Variants in DCLK2 observed in about 807,000 individuals in gnomAD.
DCLK2 encodes the protein doublecortin like kinase 2.
DCLK2 carries 31 observed loss-of-function variants against 78.4 expected under a neutral mutation model. That is an observed-to-expected ratio of 0.40 (90% CI 0.30 to 0.53). The LOEUF (loss-of-function observed/expected upper bound fraction) is 0.53, where lower values mean the gene tolerates loss of function less well. DCLK2 is among the 20% of genes least tolerant of loss of function. DCLK2 has a pLI of 0.61. For missense variants in DCLK2, 872 were observed against 973.7 expected (o/e 0.90, Z 1.39); for synonymous variants, 407 against 374.9 (o/e 1.09, Z -0.99).
chr4:150,224,698 T>A (rs1273298986), intron 8 of DCLK2, 140 bp downstream of exon 8: 3 of 575,890 alleles, frequency 5.2e-6, no homozygotes, highest in East Asian at 6.1e-5. Flanking sequence ...GAAAAACAGT[T>A]AAGCGGTTTT....
intron 7 of DCLK2, 28 bp downstream of exon 7, chr4:150,221,813 A>G: frequency 1.5e-6 from 2 of 1,303,588 alleles, no homozygotes; most frequent in Non-Finnish European, 2.2e-6. Context: ...ATAATTAATG[A>G]ATAATGAAAA....
At chr4:150,158,556 T>C (rs1490295741) in intron 2 of DCLK2, among the ~76,000 whole-genome samples, 3 of 152,202 alleles carry the variant, frequency 2.0e-5, no homozygotes, top group African/African-American at 7.2e-5. Context: ...CATTCCTCTA[T>C]TGAGCACCTA....
intron 10 of DCLK2, among the ~76,000 whole-genome samples, chr4:150,236,393 G>T (rs1742512004): frequency 6.6e-6 from 1 of 152,220 alleles, no homozygotes; most frequent in South Asian, 2.1e-4. Flanking sequence ...CTGGCCATAT[G>T]ACTAGTAACC....
At chr4:150,094,984 A>G (rs1210819386) in intron 1 of DCLK2, among the ~76,000 whole-genome samples, 1 of 152,212 alleles carries the variant, frequency 6.6e-6, no homozygotes, top group Non-Finnish European at 1.5e-5. Context: ...CAACAAAATC[A>G]CCTGATTTTT....
chr4:150,248,192 CAGCT>C, intron 13 of DCLK2, 109 bp from the exon 14 acceptor site: 1 of 815,876 alleles, frequency 1.2e-6, no homozygotes, highest in Non-Finnish European at 2.0e-6. Flanking sequence ...AATCAGTTAG[CAGCT>C]GTGCTGGCTC....
At chr4:150,204,391 A>G (rs1739686975) in intron 5 of DCLK2, among the ~76,000 whole-genome samples, 2 of 152,200 alleles carry the variant, frequency 1.3e-5, no homozygotes, top group South Asian at 4.1e-4. Flanking sequence ...CTTAGAAATA[A>G]TCTTAGGTGT....
rs568544148 is a variant in DCLK2, at chr4:150,201,038, T to C, written c.962-2757T>C. On this transcript the variant is annotated intron_variant, in intron 4 of 15. Coordinates refer to ENST00000296550, the MANE Select transcript of DCLK2 (RefSeq NM_001040260.4). ...TCGCCATGTTGGCCAGGCTGGTCTC[T>C]AATTCCTGATATCAAGTGATCCACC... 6.6e-5 allele frequency among the ~76,000 whole-genome samples: 10 copies of C among 152,178 alleles called. No homozygotes were observed. The East Asian group carries it at 1.4e-3, about 21-fold the overall frequency.
rs752405952 is a variant in DCLK2, at chr4:150,130,213, A to T, written c.756+27401A>T. The stretch of plus-strand genomic sequence containing the variant: ...CCCCTTACCTGCCTAGCTCATTCAG[A>T]TGAAGTGAGGTCCCTGTTCTTCAGG... On this transcript the variant is annotated intron_variant, in intron 2 of 15. Coordinates refer to ENST00000296550, the MANE Select transcript of DCLK2 (RefSeq NM_001040260.4). 2.8e-4 allele frequency among the ~76,000 whole-genome samples: 43 copies of T among 152,044 alleles called. 1 individual carries two copies. The highest frequency in any genetic ancestry group is 5.6e-4 in the Non-Finnish European group (38 of 68,022).
At chr4:150,209,349 C>A (rs931517259) in intron 5 of DCLK2, among the ~76,000 whole-genome samples, 2 of 152,216 alleles carry the variant, frequency 1.3e-5, no homozygotes, top group African/African-American at 4.8e-5. Context: ...CCCCAGGCTG[C>A]CTCCCACAGC....
chr4:150,181,612 C>A (rs1198872352), intron 2 of DCLK2, among the ~76,000 whole-genome samples: 1 of 151,398 alleles, frequency 6.6e-6, no homozygotes, highest in Non-Finnish European at 1.5e-5. Flanking sequence ...AAGGTTAGAT[C>A]CAGTGTTTTT....
At position 150,220,785 on chromosome 4, in the gene DCLK2, C is replaced by T; in HGVS notation, c.1132+7C>T. The T allele has an allele frequency of 6.2e-7, 1 of 1,609,670 alleles. No homozygotes were observed. The highest frequency in any genetic ancestry group is 8.5e-7 in the Non-Finnish European group (1 of 1,176,610). On this transcript the variant is annotated splice_region_variant and intron_variant, in intron 6 of 15. Transcript: ENST00000296550. ...CGTTGCATAAGTCCTGAAGGTAGTT[C>T]TCAGTCTGATCATTACTTTGATAAA...
chr4:150,177,210 T>C (rs1219820647), intron 2 of DCLK2, among the ~76,000 whole-genome samples: 1 of 152,216 alleles, frequency 6.6e-6, no homozygotes, highest in Non-Finnish European at 1.5e-5. Context: ...TCAGTGATTT[T>C]AAGACATCTT....
At chr4:150,245,975 C>G (rs909303812) in intron 12 of DCLK2, among the ~76,000 whole-genome samples, 1 of 151,980 alleles carries the variant, frequency 6.6e-6, no homozygotes, top group African/African-American at 2.4e-5. Flanking sequence ...TATTGCGGCA[C>G]TATTCACAAT....
chr4:150,247,655 G>A lies in DCLK2; in HGVS notation c.1831G>A (p.Glu611Lys). The A allele has an allele frequency of 4.3e-6, 7 of 1,614,058 alleles. No homozygotes were observed. Among genetic ancestry groups the A allele is most frequent in the Non-Finnish European group, 5.9e-6 (7 of 1,180,008 alleles). Residue 611 changes from glutamate (E) to lysine (K), a missense_variant, in exon 13 of 16, where the codon GAG (glutamate) becomes AAG (lysine). Around this residue, in one of 3 missense-constraint regions of DCLK2, gnomAD observed 219 missense variants for 230.1 expected, o/e 0.95. Coordinates refer to ENST00000296550, the MANE Select transcript of DCLK2 (RefSeq NM_001040260.4). ...LFDQILAGKL[E>K]FPAPYWDNIT... is the part of the protein sequence containing the mutation. ...CGACCAGATCTTGGCTGGGAAGCTG[G>A]AGTTTCCGGCCCCCTACTGGGATAA...
At position 150,102,466 on chromosome 4, in the gene DCLK2, T is replaced by C; in HGVS notation, c.422-12T>C. The C allele has an allele frequency of 6.2e-7, 1 of 1,604,590 alleles. No homozygotes were observed. The highest frequency in any genetic ancestry group is 8.5e-7 in the Non-Finnish European group (1 of 1,174,718). ...GATAATCATGCTAATAAAATCAAAT[T>C]TTGCTTTTTAGGTGAGAGTTACGTG... On this transcript the variant is annotated splice_polypyrimidine_tract_variant and intron_variant, in intron 1 of 15. Transcript: ENST00000296550.
At chr4:150,127,522 G>A (rs1057019282) in intron 2 of DCLK2, among the ~76,000 whole-genome samples, 1 of 152,070 alleles carries the variant, frequency 6.6e-6, no homozygotes, top group African/African-American at 2.4e-5. Flanking sequence ...TCTTCAAGTT[G>A]GAGTCTGTGT....
intron 8 of DCLK2, among the ~76,000 whole-genome samples, chr4:150,227,472 G>A (rs1386134576): frequency 6.6e-6 from 1 of 152,158 alleles, no homozygotes; most frequent in East Asian, 1.9e-4. Context: ...AAGCATTTGG[G>A]CTGGAGCAGG....
intron 2 of DCLK2, among the ~76,000 whole-genome samples, chr4:150,156,483 AAAATAAAT>A (rs545633598): frequency 8.7e-4 from 125 of 143,188 alleles, no homozygotes; most frequent in African/African-American, 2.0e-3. Context: ...CGTCTCTACC[AAAATAAAT>A]AAATAAATAA....
At chr4:150,214,113 C>T (rs975499977) in intron 5 of DCLK2, among the ~76,000 whole-genome samples, 1 of 152,318 alleles carries the variant, frequency 6.6e-6, no homozygotes, top group Non-Finnish European at 1.5e-5. Flanking sequence ...CTTACAAAGA[C>T]AAGATTGTTT....
Sources: allele counts gnomAD v4.1 joint callset (sites outside exome capture counted in the v4.1 genomes callset), GRCh38; gene constraint gnomAD v4.1.1; regional missense constraint gnomAD v4.1.1; transcripts MANE v1.5; gene names NCBI Gene and HGNC (gene_info 2026-07-23, HGNC 2026-07-21).